The following CAST variants were observed in gnomAD, a reference collection of about 807,000 sequenced individuals.
CAST encodes MIR583 host.
A neutral mutation model predicts 119.6 loss-of-function variants in CAST; 76 were observed. That is an observed-to-expected ratio of 0.64 (90% CI 0.53 to 0.77). The LOEUF (loss-of-function observed/expected upper bound fraction) is 0.77, where lower values mean the gene tolerates loss of function less well. Among genes scored for constraint, CAST ranks in the 30% least tolerant of loss-of-function variants. The pLI, the probability that CAST is intolerant of heterozygous loss-of-function variation, is 0.00. For missense variants in CAST, 953 were observed against 946.5 expected, an observed-to-expected ratio of 1.01 and a Z score of -0.09; for synonymous variants, 319 against 331.6, an observed-to-expected ratio of 0.96 and a Z score of 0.41.
chr5:96,419,498 C>A, the CAST span, among the ~76,000 whole-genome samples: 1 of 149,860 alleles, frequency 6.7e-6, no homozygotes, highest in Non-Finnish European at 1.5e-5. Context: ...AGTAGAGATT[C>A]TTTTTCAAAA....
At chr5:96,534,106 A>C (rs1032482349) in intron 1 of CAST, among the ~76,000 whole-genome samples, 4 of 152,242 alleles carry the variant, frequency 2.6e-5, no homozygotes, top group Non-Finnish European at 5.9e-5. Context: ...CCTAATACTT[A>C]AAGTTTTTCT....
chr5:96,005,456 T>C, the CAST span, among the ~76,000 whole-genome samples: 3 of 152,126 alleles, frequency 2.0e-5, no homozygotes, highest in African/African-American at 4.8e-5. Context: ...GATATCCTAA[T>C]ACTGATAAAT....
chr5:96,288,537 A>G, the CAST span, among the ~76,000 whole-genome samples: 1 of 152,192 alleles, frequency 6.6e-6, no homozygotes, highest in Admixed American at 6.5e-5. Context: ...CATAATTTGA[A>G]CTAGGTTAAT....
the CAST span, among the ~76,000 whole-genome samples, chr5:96,214,292 C>T: frequency 7.2e-5 from 11 of 152,122 alleles, no homozygotes; most frequent in African/African-American, 1.2e-4. Context: ...CATACATTTC[C>T]GGAGAGTTGT....
chr5:96,497,396 A>C, the CAST span, among the ~76,000 whole-genome samples: 1 of 152,192 alleles, frequency 6.6e-6, no homozygotes, highest in African/African-American at 2.4e-5. Flanking sequence ...TTGCTGAGTC[A>C]AATGGTATTT....
chr5:96,299,683 C>T, the CAST span, among the ~76,000 whole-genome samples: 135 of 152,332 alleles, frequency 8.9e-4, no homozygotes, highest in African/African-American at 3.1e-3. Context: ...TTCACGTATA[C>T]ATCCATAGCA....
the CAST span, among the ~76,000 whole-genome samples, chr5:96,506,796 G>C: frequency 1.3e-5 from 2 of 152,174 alleles, no homozygotes; most frequent in African/African-American, 2.4e-5. Flanking sequence ...TAAGAACAAG[G>C]CTGGCCAGGG....
the CAST span, among the ~76,000 whole-genome samples, chr5:96,346,586 AC>A: frequency 6.6e-6 from 1 of 152,168 alleles, no homozygotes; most frequent in Non-Finnish European, 1.5e-5. Context: ...ACACAGTACC[AC>A]ATAATGACCA....
At chr5:96,255,776 G>A in the CAST span, among the ~76,000 whole-genome samples, 1 of 152,062 alleles carries the variant, frequency 6.6e-6, no homozygotes, top group African/African-American at 2.4e-5. Context: ...CAAGTTTGAT[G>A]CTCATTTCCC....
the CAST span, among the ~76,000 whole-genome samples, chr5:96,413,393 A>G: frequency 1.3e-5 from 2 of 152,256 alleles, no homozygotes; most frequent in South Asian, 2.1e-4. Flanking sequence ...CTCATAATAC[A>G]ATAAAGTGCA....
upstream of CAST, among the ~76,000 whole-genome samples, chr5:96,527,249 G>A (rs1745610420): frequency 6.6e-6 from 1 of 152,160 alleles, no homozygotes; most frequent in African/African-American, 2.4e-5. Context: ...GTTTTAGGGG[G>A]CCAATGAGGA....
intron 2 of CAST, among the ~76,000 whole-genome samples, chr5:96,686,157 T>A (rs1157311162): frequency 7.5e-6 from 1 of 134,200 alleles, no homozygotes; most frequent in African/African-American, 3.1e-5. Flanking sequence ...CCTTTAGATC[T>A]TTTGATTATT....
chr5:96,703,393 C>T (rs1400320028), intron 3 of CAST, among the ~76,000 whole-genome samples: 2 of 152,242 alleles, frequency 1.3e-5, no homozygotes, highest in Admixed American at 1.3e-4. Context: ...TCTGACCTTT[C>T]TGCGTACCTG....
At chr5:96,667,572 T>A (rs746448701) in intron 1 of CAST, among the ~76,000 whole-genome samples, 1 of 152,222 alleles carries the variant, frequency 6.6e-6, no homozygotes, top group Non-Finnish European at 1.5e-5. Flanking sequence ...CCTGTACCTT[T>A]ACAGTGTCAT....
chr5:96,216,540 T>A, the CAST span, among the ~76,000 whole-genome samples: 1 of 152,198 alleles, frequency 6.6e-6, no homozygotes, highest in Admixed American at 6.5e-5. Flanking sequence ...TTTGAGTGGA[T>A]CTTTTACCCA....
intron 3 of CAST, chr5:96,702,872 C>A: frequency 2.0e-6 from 2 of 985,548 alleles, no homozygotes; most frequent in Non-Finnish European, 2.4e-6. Context: ...TGCAGACCTC[C>A]TGAAAACCAA....
At chr5:96,279,082 G>A in the CAST span, among the ~76,000 whole-genome samples, 1 of 152,120 alleles carries the variant, frequency 6.6e-6, no homozygotes, top group African/African-American at 2.4e-5. Context: ...TGAAAAGAGA[G>A]TATTTCTTTT....
At chr5:96,618,474 C>T (rs1747516393) in intron 1 of CAST, among the ~76,000 whole-genome samples, 1 of 152,252 alleles carries the variant, frequency 6.6e-6, no homozygotes, top group Non-Finnish European at 1.5e-5. Flanking sequence ...CTGGCTGAGG[C>T]TGGAGCCAGC....
chr5:96,356,625 CA>C, the CAST span, among the ~76,000 whole-genome samples: 1 of 152,112 alleles, frequency 6.6e-6, no homozygotes, highest in African/African-American at 2.4e-5. Flanking sequence ...TCAGGGTTGT[CA>C]AAGATCAGAT....
Sources: gnomAD v4.1 joint callset for allele counts (sites outside exome capture counted in the v4.1 genomes callset) on GRCh38, gnomAD v4.1.1 for gene constraint, MANE v1.5 for transcripts, NCBI Gene and HGNC (gene_info 2026-07-23, HGNC 2026-07-21) for gene names.